The following KRT80 variants were observed in gnomAD, a reference collection of about 807,000 sequenced individuals.
KRT80 encodes keratin, type II cytoskeletal 80.
A neutral mutation model predicts 51.5 loss-of-function variants in KRT80; 36 were observed. That is an observed-to-expected ratio of 0.70 (90% CI 0.54 to 0.92). The LOEUF (loss-of-function observed/expected upper bound fraction) is 0.92. KRT80 is among the 40% of genes least tolerant of loss of function. The pLI is 0.00. For missense variants in KRT80, 566 were observed against 591.7 expected (o/e 0.96, Z 0.45); for synonymous variants, 235 against 248.3 (o/e 0.95, Z 0.50).
In KRT80 at chr12:52,191,913, G is replaced by C; in HGVS notation, c.-11C>G. On this transcript the variant is annotated 5_prime_UTR_variant, in exon 1 of 9. Transcript: ENST00000394815. ...GGAGCGGCAGGCCATGGTGCCCCCG[G>C]CCGGAAGCAGGAGGGCCCAGGGGGG... 1 of 1,455,448 alleles carries C rather than the reference G, an allele frequency of 6.9e-7. No homozygotes were observed. Among genetic ancestry groups the C allele is most frequent in the Middle Eastern group, 2.4e-4 (1 of 4,120 alleles). 90.2% of individuals were successfully genotyped at this position (1,455,448 alleles called of 1,614,324 possible). A position where few individuals can be genotyped will look rare whatever the true frequency, so the allele number is the denominator to read the frequency against.
At chr12:52,188,934 C>T (rs1941443396) in intron 1 of KRT80, among the ~76,000 whole-genome samples, 1 of 152,194 alleles carries the variant, frequency 6.6e-6, no homozygotes, top group African/African-American at 2.4e-5. Flanking sequence ...ATGACTGTTG[C>T]CTTACCAGTC....
At chr12:52,175,128 T>C (rs11170032) in intron 4 of KRT80, among the ~76,000 whole-genome samples, 65,259 of 152,080 alleles carry the variant, frequency 0.43, 14,325 homozygotes, top group East Asian at 0.59. Flanking sequence ...ATTTTTTAAA[T>C]GTGTTTGTCT....
At chr12:52,191,515 G>C in intron 1 of KRT80, 88 bp downstream of exon 1, 1 of 1,319,440 alleles carries the variant, frequency 7.6e-7, no homozygotes, top group South Asian at 1.4e-5. Context: ...GGTGGGGCGC[G>C]GTGATCGATG....
chr12:52,191,942 G>A lies in KRT80; in HGVS notation c.-40C>T, dbSNP rs1941489133. 6 of 1,434,192 alleles carry A rather than the reference G, an allele frequency of 4.2e-6. No individual in the cohort carries two copies. The Admixed American group carries it at 1.1e-4, about 27-fold the overall frequency. 88.8% of individuals were successfully genotyped at this position (1,434,192 alleles called of 1,614,324 possible). A position where few individuals can be genotyped will look rare whatever the true frequency, so the allele number is the denominator to read the frequency against. On this transcript the variant is annotated 5_prime_UTR_variant, in exon 1 of 9. Coordinates refer to ENST00000394815, the MANE Select transcript of KRT80 (RefSeq NM_182507.3). Reference sequence around the variant, plus strand: ...GAAGCAGGAGGGCCCAGGGGGGTGAGCGAGTGAGCCTGGGGTTGCGTCGGG... The same window carrying A: ...GAAGCAGGAGGGCCCAGGGGGGTGAACGAGTGAGCCTGGGGTTGCGTCGGG...
At chr12:52,187,258 C>T (rs1270857988) in intron 1 of KRT80, among the ~76,000 whole-genome samples, 3 of 152,262 alleles carry the variant, frequency 2.0e-5, no homozygotes, top group Non-Finnish European at 4.4e-5. Flanking sequence ...CCACCACTGC[C>T]GGTGCTGCTG....
At chr12:52,191,553 G>C (rs550540982) in intron 1 of KRT80, 50 bp downstream of exon 1, 2 of 1,503,760 alleles carry the variant, frequency 1.3e-6, no homozygotes, top group South Asian at 2.6e-5. Context: ...CTCAGCTACC[G>C]GCCCAGGCCT....
At chr12:52,185,918 C>T (rs570873734) in intron 1 of KRT80, among the ~76,000 whole-genome samples, 62 of 152,074 alleles carry the variant, frequency 4.1e-4, no homozygotes, top group Non-Finnish European at 7.5e-4. Flanking sequence ...GGGGCTGGGG[C>T]GGGAGACCCC....
chr12:52,184,259 C>G (rs927869168), intron 2 of KRT80, among the ~76,000 whole-genome samples: 1 of 152,208 alleles, frequency 6.6e-6, no homozygotes, highest in Non-Finnish European at 1.5e-5. Context: ...CTGTCCTCCC[C>G]TCACGCTGGC....
At chr12:52,178,856 TAA>T (rs1282022286) in intron 4 of KRT80, among the ~76,000 whole-genome samples, 1 of 151,224 alleles carries the variant, frequency 6.6e-6, no homozygotes, top group Non-Finnish European at 1.5e-5. Flanking sequence ...AAAACTTGCC[TAA>T]AGTTACAGAA....
chr12:52,186,771 C>T (rs973028557), intron 1 of KRT80, among the ~76,000 whole-genome samples: 5 of 152,106 alleles, frequency 3.3e-5, no homozygotes, highest in East Asian at 1.9e-4. Context: ...AGCCCAGCTG[C>T]GCCTCTCAGA....
At chr12:52,179,759 A>G (rs1415788006) in intron 4 of KRT80, among the ~76,000 whole-genome samples, 2 of 152,234 alleles carry the variant, frequency 1.3e-5, no homozygotes, top group Non-Finnish European at 2.9e-5. Flanking sequence ...AAGCCCTGTT[A>G]TCTCCAACAG....
At position 52,180,548 on chromosome 12, in the gene KRT80, T is replaced by TGAAA; in HGVS notation, c.630_631insTTTC (p.Ser211PhefsTer12). On this transcript the variant is annotated frameshift_variant, in exon 4 of 9. Transcript: ENST00000394815. LOFTEE classifies it high-confidence loss of function. ...ATGGTTTTCATCAACTCCACGAAGC[T>TGAAA]CTCCAGGCTTTTTAACTTGGTTTCC... 1 of 1,482,836 alleles carries TGAAA rather than the reference T, an allele frequency of 6.7e-7. No homozygotes were observed. The highest frequency in any genetic ancestry group is 9.0e-7 in the Non-Finnish European group (1 of 1,117,178). 91.9% of individuals were successfully genotyped at this position (1,482,836 alleles called of 1,614,324 possible). A position where few individuals can be genotyped will look rare whatever the true frequency, so the allele number is the denominator to read the frequency against.
Position 52,171,097 on chromosome 12 carries a change from G to T in KRT80, c.*301C>A, listed in dbSNP as rs1941088219. On this transcript the variant is annotated 3_prime_UTR_variant, in exon 9 of 9. Coordinates refer to ENST00000394815, the MANE Select transcript of KRT80 (RefSeq NM_182507.3). The stretch of plus-strand genomic sequence containing the variant: ...GGAGGAGGAGCCTCAGAGGAGCGAG[G>T]AGGTGGAGACAAAACTGACCCCTAA... 1 of 239,326 alleles carries T rather than the reference G, an allele frequency of 4.2e-6. No individual in the cohort carries two copies. The highest frequency in any genetic ancestry group is 8.1e-6 in the Non-Finnish European group (1 of 123,884). 14.8% of individuals were successfully genotyped at this position (239,326 alleles called of 1,614,324 possible).
At chr12:52,186,071 G>T (rs1941399926) in intron 1 of KRT80, among the ~76,000 whole-genome samples, 1 of 151,998 alleles carries the variant, frequency 6.6e-6, no homozygotes, top group African/African-American at 2.4e-5. Context: ...GAGGCTCCCT[G>T]AACCTCAGTT....
At chr12:52,173,307 CTT>C in intron 5 of KRT80, 144 bp from the exon 6 acceptor site, 1 of 1,118,308 alleles carries the variant, frequency 8.9e-7, no homozygotes, top group Non-Finnish European at 1.2e-6. Context: ...TCAGCTCCCC[CTT>C]CCACCTCCCT....
chr12:52,190,780 G>T (rs1941467586), intron 1 of KRT80, among the ~76,000 whole-genome samples: 1 of 152,206 alleles, frequency 6.6e-6, no homozygotes, highest in Admixed American at 6.5e-5. Context: ...GGTGCAGGAG[G>T]GTGCAGAGTC....
In KRT80 at chr12:52,173,047, G is replaced by T; in HGVS notation, c.948C>A (p.Val316=). 1 of 1,610,820 alleles carries T rather than the reference G, an allele frequency of 6.2e-7. No individual in the cohort carries two copies. Among genetic ancestry groups the T allele is most frequent in the Non-Finnish European group, 8.5e-7 (1 of 1,177,886 alleles). ...TCCCCCAGATACTCACATGGCTCTT[G>T]ACAGAGAGGATCTGGGACCGCAGCT... ...IQKLRSQILS[V]KSHCLKLEEN... The change falls in exon 6 of 9, where the codon GTC becomes GTA. Residue 316 remains valine, a synonymous_variant. Coordinates refer to ENST00000394815, the MANE Select transcript of KRT80 (RefSeq NM_182507.3).
chr12:52,175,302 CTGTGCCAA>C (rs1941199683), intron 4 of KRT80, among the ~76,000 whole-genome samples: 1 of 152,176 alleles, frequency 6.6e-6, no homozygotes, highest in Non-Finnish European at 1.5e-5. Flanking sequence ...TTGTTGTACC[CTGTGCCAA>C]TGTTCAACGT....
intron 1 of KRT80, 134 bp downstream of exon 1, chr12:52,191,469 G>T: frequency 1.1e-6 from 1 of 884,308 alleles, no homozygotes; most frequent in Non-Finnish European, 1.8e-6. Flanking sequence ...AGCCTGTCGG[G>T]TTAGCAGTGC....
Sources: gnomAD v4.1 joint callset for allele counts (sites outside exome capture counted in the v4.1 genomes callset) on GRCh38, gnomAD v4.1.1 for gene constraint, MANE v1.5 for transcripts, NCBI Gene and HGNC (gene_info 2026-07-23, HGNC 2026-07-21) for gene names.